SPOCK1: variants seen among roughly 807,000 people sequenced by gnomAD.
The protein encoded by SPOCK1 is testican-1.
A neutral mutation model predicts 55.3 loss-of-function variants in SPOCK1; 23 were observed. The observed-to-expected ratio is 0.42, with a 90% confidence interval of 0.30 to 0.59. The LOEUF (loss-of-function observed/expected upper bound fraction) is 0.59, where lower values mean the gene tolerates loss of function less well. Ranked by LOEUF, SPOCK1 falls within the 20% of genes least tolerant of loss-of-function variation. The probability of loss-of-function intolerance (pLI) is 0.22; values close to 1 mark genes in which losing one functional copy is unlikely to be tolerated. For missense variants in SPOCK1, 499 were observed against 552.5 expected, an observed-to-expected ratio of 0.90 and a Z score of 0.97; for synonymous variants, 226 against 221.0, an observed-to-expected ratio of 1.02 and a Z score of -0.20.
At chr5:137,348,205 T>C (rs1339003864) in intron 2 of SPOCK1, among the ~76,000 whole-genome samples, 2 of 152,142 alleles carry the variant, frequency 1.3e-5, no homozygotes, top group African/African-American at 4.8e-5. Flanking sequence ...GTAAACAGGT[T>C]AGAGGTGGAC....
intron 2 of SPOCK1, among the ~76,000 whole-genome samples, chr5:137,439,374 AC>A (rs1752937312): frequency 6.6e-6 from 1 of 152,226 alleles, no homozygotes; most frequent in Non-Finnish European, 1.5e-5. Flanking sequence ...CAAAGTGTAA[AC>A]TAGCACAGGG....
At chr5:137,192,234 A>AAAAAAAAAAAAAAAAAAAAAAAG in intron 3 of SPOCK1, among the ~76,000 whole-genome samples, 1 of 125,054 alleles carries the variant, frequency 8.0e-6, no homozygotes, top group Non-Finnish European at 1.6e-5. Context: ...CTCTGTCTCA[A>AAAAAAAAAAAAAAAAAAAAAAAG]AAAAAAAAAA....
At chr5:137,120,590 A>G (rs1753667047) in intron 4 of SPOCK1, among the ~76,000 whole-genome samples, 1 of 152,224 alleles carries the variant, frequency 6.6e-6, no homozygotes, top group African/African-American at 2.4e-5. Flanking sequence ...GTAGGTGCAA[A>G]TAAATTGAAA....
At chr5:137,221,969 G>C (rs1473721021) in intron 3 of SPOCK1, among the ~76,000 whole-genome samples, 1 of 152,092 alleles carries the variant, frequency 6.6e-6, no homozygotes, top group Non-Finnish European at 1.5e-5. Context: ...GCCTTGATCA[G>C]ACTCCATCTG....
chr5:137,306,358 A>G (rs1757700944), intron 2 of SPOCK1, among the ~76,000 whole-genome samples: 1 of 152,156 alleles, frequency 6.6e-6, no homozygotes, highest in East Asian at 1.9e-4. Flanking sequence ...AGCATGTACA[A>G]TCACAAATGC....
chr5:137,458,338 G>C (rs879307982), intron 2 of SPOCK1, among the ~76,000 whole-genome samples: 2 of 152,042 alleles, frequency 1.3e-5, no homozygotes, highest in Non-Finnish European at 2.9e-5. Flanking sequence ...CAAAACAAAA[G>C]AAAAAGCCAA....
intron 2 of SPOCK1, among the ~76,000 whole-genome samples, chr5:137,278,302 C>A (rs368897707): frequency 6.6e-5 from 10 of 152,332 alleles, no homozygotes; most frequent in African/African-American, 2.4e-4. Flanking sequence ...GAGTCCAAGA[C>A]TTTGTCCACT....
At chr5:137,311,571 A>T (rs1180691163) in intron 2 of SPOCK1, among the ~76,000 whole-genome samples, 3 of 152,252 alleles carry the variant, frequency 2.0e-5, no homozygotes, top group African/African-American at 7.2e-5. Context: ...AAATAATTTC[A>T]AACTATCTAC....
intron 2 of SPOCK1, among the ~76,000 whole-genome samples, chr5:137,362,595 T>C (rs28704783): frequency 3.0e-4 from 46 of 152,234 alleles, no homozygotes; most frequent in African/African-American, 1.1e-3. Context: ...CCCAAAGCGC[T>C]GAGATTATAG....
chr5:137,392,418 T>A (rs569807174), intron 2 of SPOCK1, among the ~76,000 whole-genome samples: 5 of 152,358 alleles, frequency 3.3e-5, no homozygotes, highest in African/African-American at 1.2e-4. Flanking sequence ...GTTATTTCTA[T>A]AACTTATCTC....
At position 136,978,450 on chromosome 5, in the gene SPOCK1, A is replaced by AC. The variant is rs146294521; in HGVS notation, c.*203_*204insG. On this transcript the variant is annotated 3_prime_UTR_variant, in exon 11 of 11. Transcript: ENST00000394945. ...CCAAAAAATAAACAACAACAAAAAA[A>AC]AAACACAACACCCTTTCTCCCATAC... The AC allele has an allele frequency of 4.9e-3, 2,176 of 447,960 alleles. 14 individuals are homozygous for AC. Among genetic ancestry groups the AC allele is most frequent in the Non-Finnish European group, 5.2e-3 (1,385 of 264,484 alleles). The allele number at this position is 447,960 out of a possible 1,614,324, so 27.7% of individuals were successfully genotyped here.
At chr5:137,092,332 G>T (rs1753067195) in intron 5 of SPOCK1, among the ~76,000 whole-genome samples, 1 of 152,240 alleles carries the variant, frequency 6.6e-6, no homozygotes, top group Non-Finnish European at 1.5e-5. Context: ...CGCCCTCAGG[G>T]AAGGCATTCC....
At chr5:137,339,415 T>C (rs1750363624) in intron 2 of SPOCK1, among the ~76,000 whole-genome samples, 1 of 152,176 alleles carries the variant, frequency 6.6e-6, no homozygotes, top group Non-Finnish European at 1.5e-5. Context: ...ACTAAATGTA[T>C]ATATAAAGGC....
Position 136,976,548 on chromosome 5 carries a change from A to G in SPOCK1, c.*2106T>C, listed in dbSNP as rs1316928141. 1.3e-5 allele frequency: 2 copies of G among 152,630 alleles called. No homozygotes were observed. Among genetic ancestry groups the G allele is most frequent in the African/African-American group, 4.8e-5 (2 of 41,456 alleles). The allele number at this position is 152,630 out of a possible 1,614,324, so 9.5% of individuals were successfully genotyped here. Reference sequence around the variant, plus strand: ...TCCTAAGCTCAAAGGAGATAGTAACAATGGTTTTCTTTGATGATCTAAAGT... The same window carrying G: ...TCCTAAGCTCAAAGGAGATAGTAACGATGGTTTTCTTTGATGATCTAAAGT... On this transcript the variant is annotated 3_prime_UTR_variant, in exon 11 of 11. Coordinates refer to ENST00000394945, the MANE Select transcript of SPOCK1 (RefSeq NM_004598.4).
At chr5:137,498,876 G>C (rs1205220859) in intron 1 of SPOCK1, among the ~76,000 whole-genome samples, 2 of 149,302 alleles carry the variant, frequency 1.3e-5, no homozygotes, top group East Asian at 4.0e-4. Flanking sequence ...CCCCAGAAGC[G>C]GGGAGCCCGG....
intron 6 of SPOCK1, among the ~76,000 whole-genome samples, chr5:137,037,588 C>A (rs977046733): frequency 4.6e-5 from 7 of 152,130 alleles, no homozygotes; most frequent in Admixed American, 1.3e-4. Context: ...TGTATAATCA[C>A]CACTGTCCTC....
chr5:137,419,317 G>A (rs1160861986), intron 2 of SPOCK1, among the ~76,000 whole-genome samples: 1 of 152,064 alleles, frequency 6.6e-6, no homozygotes, highest in Non-Finnish European at 1.5e-5. Flanking sequence ...CTTTAAAGTA[G>A]TTTTTTCCAA....
rs980594492 is a variant in SPOCK1, at chr5:137,230,120, T to C, written c.232+36890A>G. Among the ~76,000 whole-genome samples the C allele has an allele frequency of 1.3e-4, 20 of 152,250 alleles. No individual in the cohort carries two copies. The South Asian group carries it at 1.7e-3, about 13-fold the overall frequency. ...TAAGCTTGCCCCATCTTTCTTTATA[T>C]GCAAACATCTTTTGGCAACAACCTA... On this transcript the variant is annotated intron_variant, in intron 3 of 10. Coordinates refer to ENST00000394945, the MANE Select transcript of SPOCK1 (RefSeq NM_004598.4).
At chr5:137,390,844 G>T (rs1006866793) in intron 2 of SPOCK1, among the ~76,000 whole-genome samples, 1 of 152,122 alleles carries the variant, frequency 6.6e-6, no homozygotes, top group Non-Finnish European at 1.5e-5. Context: ...CTGGTGGGGG[G>T]GTGTGGCAAA....
Sources: allele counts gnomAD v4.1 joint callset (sites outside exome capture counted in the v4.1 genomes callset), GRCh38; gene constraint gnomAD v4.1.1; transcripts MANE v1.5; gene names NCBI Gene and HGNC (gene_info 2026-07-23, HGNC 2026-07-21).